Variants in SLC25A43 observed in about 807,000 individuals in gnomAD.
The protein encoded by SLC25A43 is solute carrier family 25, member 43.
Under a neutral mutation model 22.8 loss-of-function variants are expected in SLC25A43, and 10 were observed. The observed-to-expected ratio is 0.44, with a 90% CI of 0.27 to 0.74. The LOEUF is 0.74. SLC25A43 is among the 30% of genes least tolerant of loss of function. The pLI, the probability that SLC25A43 is intolerant of heterozygous loss-of-function variation, is 0.17. For missense variants in SLC25A43, 233 were observed against 279.1 expected (o/e 0.83, Z 1.18); for synonymous variants, 106 against 121.6 (o/e 0.87, Z 0.84).
rs998369567 is a variant in SLC25A43, at chrX:119,453,984, G to C, written c.*919G>C. On this transcript the variant is annotated 3_prime_UTR_variant, in exon 5 of 5. Coordinates refer to ENST00000217909, the MANE Select transcript of SLC25A43 (RefSeq NM_145305.3). ...TTTTTTGAAATTTGAAGCATCCCAG[G>C]CTTAAAATCTTGTGTTTCAGAAAGA... 3 of 112,047 alleles carry C rather than the reference G, an allele frequency of 2.7e-5. No individual in the cohort carries two copies. The highest frequency in any genetic ancestry group is 5.6e-5 in the Non-Finnish European group (3 of 53,139). 9.2% of individuals were successfully genotyped at this position (112,047 alleles called of 1,213,427 possible). A position where few individuals can be genotyped will look rare whatever the true frequency, so the allele number is the denominator to read the frequency against.
chrX:119,443,450 T>C (rs184322452), intron 3 of SLC25A43, among the ~76,000 whole-genome samples: 1 of 50,044 alleles, frequency 2.0e-5, no homozygotes, highest in Admixed American at 2.3e-4. Context: ...CTCTCTCTCT[T>C]TTTTTTTTTT....
chrX:119,414,421 G>A (rs2052380571), intron 3 of SLC25A43, among the ~76,000 whole-genome samples: 1 of 111,107 alleles, frequency 9.0e-6, no homozygotes, highest in Non-Finnish European at 1.9e-5. Context: ...TTTAGACAGG[G>A]TCTCGCTATG....
At chrX:119,413,069 T>C (rs964697866) in intron 3 of SLC25A43, among the ~76,000 whole-genome samples, 1 of 109,714 alleles carries the variant, frequency 9.1e-6, no homozygotes, top group Non-Finnish European at 1.9e-5. Flanking sequence ...CAGTGAGCTA[T>C]AATCCTGCCA....
Position 119,421,111 on chromosome X carries a change from C to CAAAAA in SLC25A43, c.690+10774_690+10778dup, listed in dbSNP as rs55775067. 6.0e-5 allele frequency among the ~76,000 whole-genome samples: 3 copies of CAAAAA among 50,371 alleles called. 1 individual carries two copies. Among genetic ancestry groups the CAAAAA allele is most frequent in the Non-Finnish European group, 7.3e-5 (2 of 27,483 alleles). 43.7% of individuals were successfully genotyped at this position (50,371 alleles called of 115,157 possible). On this transcript the variant is annotated intron_variant, in intron 3 of 4. Coordinates refer to ENST00000217909, the MANE Select transcript of SLC25A43 (RefSeq NM_145305.3). ...TCGGTGACAGAGCGAAACTTCATCT[C>CAAAAA]AAAAAAAAAAAAAAAAAAAAAAAAA...
Position 119,452,119 on chromosome X carries a change from T to C in SLC25A43, c.801T>C (p.Asn267=). 2 of 1,198,983 alleles carry C rather than the reference T, an allele frequency of 1.7e-6. No individual in the cohort carries two copies. The highest frequency in any genetic ancestry group is 2.2e-6 in the Non-Finnish European group (2 of 890,081). ...VKAQGVLGLW[N]GLTANLLKIV... is the part of the protein sequence containing the mutation. ...CCCAGGGGGTCCTGGGGCTCTGGAA[T>C]GGATTGACAGCCAATTTACTGAAGG... Residue 267 remains asparagine, a synonymous_variant, in exon 4 of 5, where the codon AAT becomes AAC. Coordinates refer to ENST00000217909, the MANE Select transcript of SLC25A43 (RefSeq NM_145305.3).
chrX:119,417,375 G>A (rs1263977627), intron 3 of SLC25A43, among the ~76,000 whole-genome samples: 2 of 111,041 alleles, frequency 1.8e-5, no homozygotes. Flanking sequence ...GCAGTGAGCT[G>A]AGATTGTGCC....
Position 119,453,665 on chromosome X carries a change from T to C in SLC25A43, c.*600T>C. 1 of 115,775 alleles carries C rather than the reference T, an allele frequency of 8.6e-6. No individual in the cohort carries two copies. The highest frequency in any genetic ancestry group is 9.0e-5 in the Admixed American group (1 of 11,140). The allele number at this position is 115,775 out of a possible 1,213,427, so 9.5% of individuals were successfully genotyped here. A position where few individuals can be genotyped will look rare whatever the true frequency, so the allele number is the denominator to read the frequency against. On this transcript the variant is annotated 3_prime_UTR_variant, in exon 5 of 5. Transcript: ENST00000217909. ...TCCTCCTGCTTCAGCCTCCAGAGAGTTGGGACCATAGGTGCACACCACCAC... is the reference window on the plus strand; with the variant it reads ...TCCTCCTGCTTCAGCCTCCAGAGAGCTGGGACCATAGGTGCACACCACCAC...
intron 3 of SLC25A43, among the ~76,000 whole-genome samples, chrX:119,418,049 AT>A (rs1316457709): frequency 9.0e-6 from 1 of 111,127 alleles, no homozygotes; most frequent in African/African-American, 3.3e-5. Flanking sequence ...ACTGCAGTAA[AT>A]GGAGAGTAGC....
intron 4 of SLC25A43, among the ~76,000 whole-genome samples, chrX:119,452,492 C>T (rs770756322): frequency 1.5e-5 from 1 of 66,076 alleles, no homozygotes; most frequent in African/African-American, 5.3e-5. Flanking sequence ...AACTCCATGA[C>T]AAAAAAAAAA....
intron 3 of SLC25A43, among the ~76,000 whole-genome samples, chrX:119,425,156 A>G (rs2052492272): frequency 8.9e-6 from 1 of 112,020 alleles, no homozygotes; most frequent in South Asian, 3.7e-4. Flanking sequence ...TGTTGCTTTG[A>G]CTTGAGAAGC....
At chrX:119,400,442 G>T (rs2052227723) in intron 1 of SLC25A43, among the ~76,000 whole-genome samples, 1 of 111,946 alleles carries the variant, frequency 8.9e-6, no homozygotes, top group Admixed American at 9.5e-5. Context: ...AAGCCTGAAA[G>T]AATGAATTGG....
At chrX:119,432,385 A>C (rs1391147633) in intron 3 of SLC25A43, among the ~76,000 whole-genome samples, 1 of 112,012 alleles carries the variant, frequency 8.9e-6, no homozygotes, top group Non-Finnish European at 1.9e-5. Flanking sequence ...TAGAGATGAA[A>C]GAAGATTGGC....
At chrX:119,426,527 A>G (rs2052505886) in intron 3 of SLC25A43, among the ~76,000 whole-genome samples, 2 of 111,963 alleles carry the variant, frequency 1.8e-5, no homozygotes, top group African/African-American at 6.5e-5. Flanking sequence ...TTAGAACCAT[A>G]AAAACCAGTC....
chrX:119,449,117 T>C (rs781349932), intron 3 of SLC25A43, among the ~76,000 whole-genome samples: 1 of 110,581 alleles, frequency 9.0e-6, no homozygotes, highest in South Asian at 3.9e-4. Flanking sequence ...GTTCTGGCTG[T>C]AGTATAAAGA....
chrX:119,444,266 T>G (rs2052646769), intron 3 of SLC25A43, among the ~76,000 whole-genome samples: 1 of 111,809 alleles, frequency 8.9e-6, no homozygotes, highest in Non-Finnish European at 1.9e-5. Context: ...CAAAAGAAGC[T>G]GCTTTTAAAG....
At chrX:119,445,947 G>A (rs2052662588) in intron 3 of SLC25A43, among the ~76,000 whole-genome samples, 1 of 109,796 alleles carries the variant, frequency 9.1e-6, no homozygotes. Flanking sequence ...GAGGTCAAGA[G>A]TTTGAGGCCA....
intron 3 of SLC25A43, among the ~76,000 whole-genome samples, chrX:119,413,214 A>G (rs1027333673): frequency 9.0e-6 from 1 of 111,606 alleles, no homozygotes; most frequent in Admixed American, 9.6e-5. Flanking sequence ...TAATACACAT[A>G]AGTTGTAGAA....
chrX:119,426,827 A>AG (rs1316657504), intron 3 of SLC25A43, among the ~76,000 whole-genome samples: 1 of 109,285 alleles, frequency 9.2e-6, no homozygotes, highest in Non-Finnish European at 1.9e-5. Flanking sequence ...AAAAAAAAAA[A>AG]AAAGCCAGTC....
chrX:119,445,260 A>G (rs2052658433), intron 3 of SLC25A43, among the ~76,000 whole-genome samples: 1 of 110,739 alleles, frequency 9.0e-6, no homozygotes, highest in African/African-American at 3.3e-5. Context: ...AGTTCCAGTC[A>G]TGTATAATAA....
Sources: gnomAD v4.1 joint callset for allele counts (sites outside exome capture counted in the v4.1 genomes callset) on GRCh38, gnomAD v4.1.1 for gene constraint, MANE v1.5 for transcripts, NCBI Gene and HGNC (gene_info 2026-07-23, HGNC 2026-07-21) for gene names.